LRP1B: variants seen among roughly 807,000 people sequenced by gnomAD.
LRP1B encodes LDL receptor related protein 1B, also known as low-density lipoprotein receptor-related protein 1B.
In LRP1B, 217 loss-of-function variants were observed where a neutral mutation model predicts 556.6. The ratio of observed to expected loss-of-function variants is 0.39; its 90% confidence interval spans 0.35 to 0.44. The LOEUF (loss-of-function observed/expected upper bound fraction) is 0.44, where lower values mean the gene tolerates loss of function less well. LRP1B is among the 20% of genes least tolerant of loss of function. The pLI, the probability that LRP1B is intolerant of heterozygous loss-of-function variation, is 1.00. For synonymous variants in LRP1B, 2,047 were observed against 1,865.8 expected (o/e 1.10, Z -2.50); for missense variants, 5,053 against 5,620.8 (o/e 0.90, Z 3.23).
At chr2:141,763,022 CT>C (rs2105598521) in intron 2 of LRP1B, among the ~76,000 whole-genome samples, 1 of 152,254 alleles carries the variant, frequency 6.6e-6, no homozygotes, top group East Asian at 1.9e-4. Context: ...AGCAAATTAT[CT>C]GTGTATTCTG....
At chr2:141,949,840 A>C (rs1701058671) in intron 1 of LRP1B, among the ~76,000 whole-genome samples, 1 of 151,678 alleles carries the variant, frequency 6.6e-6, no homozygotes, top group Non-Finnish European at 1.5e-5. Flanking sequence ...TTCTCTAATA[A>C]AGATATGCAT....
chr2:140,631,783 G>C (rs902498525), intron 41 of LRP1B, among the ~76,000 whole-genome samples: 1 of 152,058 alleles, frequency 6.6e-6, no homozygotes, highest in African/African-American at 2.4e-5. Context: ...CAAAACCATA[G>C]ATCTAGAAAG....
chr2:141,240,251 G>T (rs892905720), intron 5 of LRP1B, among the ~76,000 whole-genome samples: 2 of 152,034 alleles, frequency 1.3e-5, no homozygotes, highest in African/African-American at 4.8e-5. Flanking sequence ...GGGAAGGAGT[G>T]CCCAAAGGGC....
chr2:140,736,833 C>T (rs1297028323), intron 35 of LRP1B, among the ~76,000 whole-genome samples: 1 of 152,096 alleles, frequency 6.6e-6, no homozygotes, highest in Non-Finnish European at 1.5e-5. Context: ...GTTTTGAACC[C>T]TTCTCACCCC....
At chr2:140,694,237 AG>A (rs1686347213) in intron 41 of LRP1B, among the ~76,000 whole-genome samples, 3 of 152,202 alleles carry the variant, frequency 2.0e-5, no homozygotes, top group Admixed American at 1.3e-4. Flanking sequence ...CACTAGTTTA[AG>A]TTTGAAGCTG....
intron 52 of LRP1B, among the ~76,000 whole-genome samples, chr2:140,509,323 A>T (rs745904592): frequency 6.6e-6 from 1 of 152,136 alleles, no homozygotes; most frequent in African/African-American, 2.4e-5. Context: ...ATTCATCTAA[A>T]TTTTTACTGT....
At chr2:141,426,970 C>T (rs1680389510) in intron 3 of LRP1B, among the ~76,000 whole-genome samples, 2 of 152,148 alleles carry the variant, frequency 1.3e-5, no homozygotes, top group East Asian at 1.9e-4. Flanking sequence ...TGGTTTGCTG[C>T]ACCCATCAAC....
At position 140,291,318 on chromosome 2, in the gene LRP1B, A is replaced by ATATATATATTTTTTTTT. The variant is rs369391920; in HGVS notation, c.12967+6489_12967+6490insAAAAAAAAATATATATA. 1.7e-3 allele frequency among the ~76,000 whole-genome samples: 182 copies of ATATATATATTTTTTTTT among 109,312 alleles called. 3 individuals are homozygous for ATATATATATTTTTTTTT. The East Asian group carries it at 0.017, about 10-fold the overall frequency. The allele number at this position is 109,312 out of a possible 152,430, so 71.7% of individuals were successfully genotyped here. Reference sequence around the variant, plus strand: ...TTATTTTATATATATATATATATATATTTTTATTATACTTTAAGTTCTAGG... The same window carrying ATATATATATTTTTTTTT: ...TTATTTTATATATATATATATATATATATATATATTTTTTTTTTTTTTATTATACTTTAAGTTCTAGG... On this transcript the variant is annotated intron_variant, in intron 84 of 90. Transcript: ENST00000389484.
At chr2:141,745,195 A>G (rs973507917) in intron 2 of LRP1B, among the ~76,000 whole-genome samples, 1 of 152,022 alleles carries the variant, frequency 6.6e-6, no homozygotes, top group African/African-American at 2.4e-5. Flanking sequence ...CTACCTGGCT[A>G]CCACCTATGT....
At chr2:140,440,053 T>G (rs1686358682) in intron 66 of LRP1B, among the ~76,000 whole-genome samples, 1 of 152,172 alleles carries the variant, frequency 6.6e-6, no homozygotes, top group African/African-American at 2.4e-5. Flanking sequence ...TAAATTAGAA[T>G]ATGTCAAGGT....
At chr2:141,325,250 G>A (rs995140899) in intron 3 of LRP1B, among the ~76,000 whole-genome samples, 7 of 151,618 alleles carry the variant, frequency 4.6e-5, no homozygotes, top group Non-Finnish European at 1.5e-5. Flanking sequence ...GTGGACTTTG[G>A]GCAGATATCA....
chr2:140,774,103 C>T (rs1365081022), intron 33 of LRP1B, among the ~76,000 whole-genome samples: 4 of 152,028 alleles, frequency 2.6e-5, no homozygotes, highest in Non-Finnish European at 5.9e-5. Flanking sequence ...ATGTTAACAC[C>T]TTAAAGAGTC....
chr2:141,153,127 G>T (rs1403552224), intron 7 of LRP1B, among the ~76,000 whole-genome samples: 3 of 146,926 alleles, frequency 2.0e-5, no homozygotes, highest in Non-Finnish European at 4.5e-5. Flanking sequence ...TAAATTTGTA[G>T]ATTTCTTCCA....
intron 35 of LRP1B, among the ~76,000 whole-genome samples, chr2:140,759,976 A>G (rs1043134084): frequency 6.6e-6 from 1 of 152,188 alleles, no homozygotes; most frequent in African/African-American, 2.4e-5. Flanking sequence ...GATTTGGCTT[A>G]AGTTACTATA....
intron 2 of LRP1B, among the ~76,000 whole-genome samples, chr2:141,696,504 G>T (rs1233573855): frequency 6.6e-6 from 1 of 151,620 alleles, no homozygotes; most frequent in Non-Finnish European, 1.5e-5. Flanking sequence ...ATTAATTCTG[G>T]TTTACCGTTC....
chr2:140,716,934 T>A (rs529420628), intron 35 of LRP1B, 118 bp from the exon 36 acceptor site: 2 of 462,940 alleles, frequency 4.3e-6, no homozygotes, highest in East Asian at 6.5e-5. Flanking sequence ...TATGCTAGAT[T>A]TTTAAGTATT....
chr2:141,895,180 A>G lies in LRP1B; in HGVS notation c.83-84779T>C, dbSNP rs145532665. ...AATGAAATGAAGTAAACATTTAGCA[A>G]GAAAATATAGGTCTTTGGATATTAT... On this transcript the variant is annotated intron_variant, in intron 1 of 90. Coordinates refer to ENST00000389484, the MANE Select transcript of LRP1B (RefSeq NM_018557.3). Among the ~76,000 whole-genome samples, 11 of 152,308 alleles carry G rather than the reference A, an allele frequency of 7.2e-5. No individual in the cohort carries two copies. The East Asian group carries it at 2.1e-3, about 29-fold the overall frequency.
chr2:141,160,612 A>T (rs1336703520), intron 7 of LRP1B, among the ~76,000 whole-genome samples: 1 of 152,012 alleles, frequency 6.6e-6, no homozygotes, highest in African/African-American at 2.4e-5. Context: ...ATGTGAATGG[A>T]TCTCACGGGC....
intron 7 of LRP1B, among the ~76,000 whole-genome samples, chr2:141,096,629 G>GAGGGAGAGGGAGAGA (rs1558858138): frequency 1.7e-5 from 1 of 59,744 alleles, no homozygotes; most frequent in African/African-American, 7.3e-5. Flanking sequence ...GGGGAGAGGG[G>GAGGGAGAGGGAGAGA]GAGAGAGAGA....
Sources: allele counts gnomAD v4.1 joint callset (sites outside exome capture counted in the v4.1 genomes callset), GRCh38; gene constraint gnomAD v4.1.1; transcripts MANE v1.5; gene names NCBI Gene and HGNC (gene_info 2026-07-23, HGNC 2026-07-21).